The following CDV3 variants were observed in gnomAD, a reference collection of about 807,000 sequenced individuals.
The protein encoded by CDV3 is CDV3 homolog, also known as protein CDV3 homolog.
CDV3 carries 14 observed loss-of-function variants against 24.5 expected under a neutral mutation model. The ratio of observed to expected loss-of-function variants is 0.57; its 90% CI spans 0.38 to 0.89. CDV3 has a LOEUF of 0.89. Ranked by LOEUF, CDV3 falls within the 40% of genes least tolerant of loss-of-function variation. CDV3 has a pLI of 0.00. For synonymous variants in CDV3, 114 were observed against 114.1 expected, an observed-to-expected ratio of 1.00 and a Z score of 0.00; for missense variants, 304 against 310.2, an observed-to-expected ratio of 0.98 and a Z score of 0.15.
chr3:133,574,757 G>A (rs2074738487), intron 1 of CDV3: 14 of 1,107,632 alleles, frequency 1.3e-5, no homozygotes, highest in Admixed American at 9.5e-5. Flanking sequence ...AAGTAGAAAT[G>A]TAGTTGTGAA....
At position 133,574,143 on chromosome 3, in the gene CDV3, CGCAGCGGGCAGCGCCGGCGGAA is replaced by C; in HGVS notation, c.104_125del (p.Ala35ValfsTer37). On this transcript the variant is annotated frameshift_variant, in exon 1 of 5. Coordinates refer to ENST00000264993, the MANE Select transcript of CDV3 (RefSeq NM_017548.5). LOFTEE classifies it high-confidence loss of function. ...GCAACCGGGCGGCGAGTGCCGCGGGCGCAGCGGGCAGCGCCGGCGGAAGCAGTGGAGCCGCGGGTGCGGCGGG... is the reference window on the plus strand; with the variant it reads ...GCAACCGGGCGGCGAGTGCCGCGGGCGCAGTGGAGCCGCGGGTGCGGCGGG... 2 of 1,187,264 alleles carry C rather than the reference CGCAGCGGGCAGCGCCGGCGGAA, an allele frequency of 1.7e-6. No individual in the cohort carries two copies. Among genetic ancestry groups the C allele is most frequent in the Non-Finnish European group, 2.1e-6 (2 of 937,150 alleles). The allele number at this position is 1,187,264 out of a possible 1,614,324, so 73.5% of individuals were successfully genotyped here.
In CDV3 at chr3:133,585,287, A is replaced by G. The variant is rs145566699; in HGVS notation, c.466+1137A>G. On this transcript the variant is annotated intron_variant, in intron 3 of 4. Coordinates refer to ENST00000264993, the MANE Select transcript of CDV3 (RefSeq NM_017548.5). ...ACTCCTGGGTTCAAGCAATCCTCCCACCTTAGCTTCCCAAAGTGCTGGGAT... is the reference window on the plus strand; with the variant it reads ...ACTCCTGGGTTCAAGCAATCCTCCCGCCTTAGCTTCCCAAAGTGCTGGGAT... 1.4e-3 allele frequency among the ~76,000 whole-genome samples: 220 copies of G among 151,996 alleles called. 1 individual carries two copies. The highest frequency in any genetic ancestry group is 5.0e-3 in the African/African-American group (206 of 41,432).
chr3:133,577,223 A>C (rs767969476), intron 2 of CDV3, among the ~76,000 whole-genome samples: 1 of 151,948 alleles, frequency 6.6e-6, no homozygotes, highest in African/African-American at 2.4e-5. Flanking sequence ...TAGTAGAGGT[A>C]TTCCACTAAC....
chr3:133,574,535 C>A, intron 1 of CDV3: 1 of 986,160 alleles, frequency 1.0e-6, no homozygotes. Context: ...GGCGGCGCCA[C>A]CCTCCGGGGG....
rs1282480251 is a variant in CDV3 at position 133,574,001 on chromosome 3, G to T, written c.-44G>T. On this transcript the variant is annotated 5_prime_UTR_variant, in exon 1 of 5. Transcript: ENST00000264993. ...CCGAGCTCGGAGCCCCGCGGGCCGC[G>T]CCCGCCGCCGGCCCCACCCATCCGG... 22 of 1,024,326 alleles carry T rather than the reference G, an allele frequency of 2.1e-5. No homozygotes were observed. The highest frequency in any genetic ancestry group is 2.6e-5 in the Non-Finnish European group (22 of 854,516). The allele number at this position is 1,024,326 out of a possible 1,614,324, so 63.5% of individuals were successfully genotyped here.
intron 2 of CDV3, among the ~76,000 whole-genome samples, chr3:133,578,493 C>A (rs1285906545): frequency 2.0e-5 from 3 of 152,212 alleles, no homozygotes; most frequent in African/African-American, 7.2e-5. Context: ...TGTGACTACT[C>A]TGCTAGACAC....
intron 1 of CDV3, chr3:133,574,728 ACT>A (rs1252368890): frequency 2.7e-6 from 3 of 1,092,682 alleles, no homozygotes; most frequent in East Asian, 6.6e-5. Context: ...GAAAAAGAAA[ACT>A]CTCGGTGGCA....
intron 3 of CDV3, among the ~76,000 whole-genome samples, chr3:133,586,045 C>T (rs1393846347): frequency 3.9e-5 from 6 of 152,134 alleles, no homozygotes; most frequent in Non-Finnish European, 7.3e-5. Flanking sequence ...TAAAGTTGTA[C>T]GTGGAGGAGG....
rs1265409449 is a variant in CDV3 at position 133,573,988 on chromosome 3, C to G, written c.-57C>G. 2 of 1,013,426 alleles carry G rather than the reference C, an allele frequency of 2.0e-6. No homozygotes were observed. The highest frequency in any genetic ancestry group is 4.3e-5 in the South Asian group (1 of 23,170). The allele number at this position is 1,013,426 out of a possible 1,614,324, so 62.8% of individuals were successfully genotyped here. ...GCCGGCCTCGACCCCGAGCTCGGAG[C>G]CCCGCGGGCCGCGCCCGCCGCCGGC... On this transcript the variant is annotated 5_prime_UTR_variant, in exon 1 of 5. Transcript: ENST00000264993.
chr3:133,574,456 G>T, intron 1 of CDV3, 172 bp downstream of exon 1: 1 of 986,506 alleles, frequency 1.0e-6, no homozygotes, highest in Non-Finnish European at 1.2e-6. Flanking sequence ...CCAGGGCCGG[G>T]ACCCCTTCCG....
Position 133,588,099 on chromosome 3 carries a change from C to A in CDV3, c.*53C>A. 1 of 1,588,466 alleles carries A rather than the reference C, an allele frequency of 6.3e-7. No individual in the cohort carries two copies. Among genetic ancestry groups the A allele is most frequent in the Non-Finnish European group, 8.6e-7 (1 of 1,167,904 alleles). On this transcript the variant is annotated 3_prime_UTR_variant, in exon 5 of 5. Transcript: ENST00000264993. ...GTAACTAGACTGCAGCTAACCACCA[C>A]CAACAGCCATTCATCATCTGATCTC...
intron 2 of CDV3, among the ~76,000 whole-genome samples, chr3:133,581,960 CT>C (rs1933071008): frequency 1.3e-5 from 2 of 151,972 alleles, no homozygotes; most frequent in African/African-American, 4.8e-5. Context: ...GCATTTTTTT[CT>C]TTCTCAGACC....
intron 2 of CDV3, among the ~76,000 whole-genome samples, chr3:133,577,959 G>C (rs1462390343): frequency 6.6e-6 from 1 of 152,092 alleles, no homozygotes; most frequent in Non-Finnish European, 1.5e-5. Flanking sequence ...TAGATCCTTG[G>C]TTGTTTGTAG....
rs2107740655 is a variant in CDV3 at position 133,586,661 on chromosome 3, A to G, written c.565A>G (p.Ile189Val). Residue 189 changes from isoleucine (I) to valine (V), a missense_variant, in exon 4 of 5, where the codon ATC (isoleucine) becomes GTC (valine). By Grantham distance (29) the Ile-to-Val change is conservative (BLOSUM62 3). Coordinates refer to ENST00000264993, the MANE Select transcript of CDV3 (RefSeq NM_017548.5). Reference sequence around the variant, plus strand: ...GAAAACACCACAAGGACCACCAGAAATCTACAGTGATACACAGTTCCCATC... The same window carrying G: ...GAAAACACCACAAGGACCACCAGAAGTCTACAGTGATACACAGTTCCCATC... ...TRKTPQGPPE[I>V]YSDTQFPSLQ... is the part of the protein sequence containing the mutation. 6.2e-7 allele frequency: 1 copy of G among 1,600,236 alleles called. No homozygotes were observed. Among genetic ancestry groups the G allele is most frequent in the Non-Finnish European group, 8.6e-7 (1 of 1,167,308 alleles).
At chr3:133,584,453 T>C (rs912913053) in intron 3 of CDV3, among the ~76,000 whole-genome samples, 2 of 152,210 alleles carry the variant, frequency 1.3e-5, no homozygotes, top group African/African-American at 2.4e-5. Context: ...TCGTTAAATA[T>C]TAACTACTTG....
In CDV3 at chr3:133,588,477, G is replaced by A. The variant is rs566212456; in HGVS notation, c.*431G>A. 1 of 1,043,580 alleles carries A rather than the reference G, an allele frequency of 9.6e-7. No homozygotes were observed. Among genetic ancestry groups the A allele is most frequent in the Admixed American group, 2.2e-5 (1 of 45,734 alleles). 64.6% of individuals were successfully genotyped at this position (1,043,580 alleles called of 1,614,324 possible). The stretch of plus-strand genomic sequence containing the variant: ...AGTGTCGATGTGAACCTTGCAACCA[G>A]CTCTACTGGATTCTTATCAGAAATC... On this transcript the variant is annotated 3_prime_UTR_variant, in exon 5 of 5. Coordinates refer to ENST00000264993, the MANE Select transcript of CDV3 (RefSeq NM_017548.5).
intron 2 of CDV3, among the ~76,000 whole-genome samples, chr3:133,579,653 C>T (rs1296549452): frequency 1.3e-5 from 2 of 151,650 alleles, no homozygotes; most frequent in South Asian, 2.1e-4. Flanking sequence ...GGTGCAATGG[C>T]GCAATCTCCG....
chr3:133,590,031 G>A lies in CDV3; in HGVS notation c.*1985G>A, dbSNP rs1413279259. The A allele has an allele frequency of 6.6e-6, 1 of 152,170 alleles. No individual in the cohort carries two copies. The highest frequency in any genetic ancestry group is 2.4e-5 in the African/African-American group (1 of 41,432). 9.4% of individuals were successfully genotyped at this position (152,170 alleles called of 1,614,324 possible). ...GAGTAAGTGGAGGTGTTATGTAAAG[G>A]CATATTGTACTCGAAATCTGAAGAC... is the stretch of plus-strand genomic sequence containing the variant. On this transcript the variant is annotated 3_prime_UTR_variant, in exon 5 of 5. Transcript: ENST00000264993.
chr3:133,584,291 A>G (rs1408282665), intron 3 of CDV3, 141 bp downstream of exon 3: 9 of 568,204 alleles, frequency 1.6e-5, no homozygotes, highest in East Asian at 3.0e-5. Context: ...GGATGTGTAT[A>G]TATCTTGTTA....
Sources: allele counts gnomAD v4.1 joint callset (sites outside exome capture counted in the v4.1 genomes callset), GRCh38; gene constraint gnomAD v4.1.1; transcripts MANE v1.5; gene names NCBI Gene and HGNC (gene_info 2026-07-23, HGNC 2026-07-21).